KIF6: variants seen among roughly 807,000 people sequenced by gnomAD.
The protein encoded by KIF6 is kinesin family member 6.
Under a neutral mutation model 112.7 loss-of-function variants are expected in KIF6, and 106 were observed. The ratio of observed to expected loss-of-function variants is 0.94; its 90% CI spans 0.80 to 1.11. KIF6 has a LOEUF of 1.11. Ranked by LOEUF, KIF6 falls within the 50% of genes least tolerant of loss-of-function variation. The pLI is 0.00. For missense variants in KIF6, 929 were observed against 964.0 expected (o/e 0.96, Z 0.48); for synonymous variants, 339 against 339.9 (o/e 1.00, Z 0.03).
intron 15 of KIF6, among the ~76,000 whole-genome samples, chr6:39,414,196 C>T (rs982032859): frequency 6.6e-6 from 1 of 152,130 alleles, no homozygotes; most frequent in Non-Finnish European, 1.5e-5. Context: ...CCTCTGCCTG[C>T]CCTTAATCAG....
chr6:39,671,497 C>A (rs1786815540), intron 3 of KIF6, among the ~76,000 whole-genome samples: 1 of 152,170 alleles, frequency 6.6e-6, no homozygotes, highest in Admixed American at 6.5e-5. Context: ...GAAGCTGAGG[C>A]TGGCAGGGGA....
chr6:39,671,963 A>C (rs1328958248), intron 3 of KIF6, among the ~76,000 whole-genome samples: 2 of 152,206 alleles, frequency 1.3e-5, no homozygotes, highest in African/African-American at 4.8e-5. Context: ...CAGTGTGTGA[A>C]TGCACCCTGT....
chr6:39,565,240 T>C (rs972589583), intron 10 of KIF6, among the ~76,000 whole-genome samples: 3 of 152,222 alleles, frequency 2.0e-5, no homozygotes, highest in Admixed American at 2.0e-4. Context: ...GCTCCTGATC[T>C]TTATTGCTCA....
chr6:39,654,270 C>T (rs1425830273), intron 3 of KIF6, among the ~76,000 whole-genome samples: 1 of 152,068 alleles, frequency 6.6e-6, no homozygotes, highest in Non-Finnish European at 1.5e-5. Context: ...AGCAAATTCC[C>T]CAGCTCCTCT....
chr6:39,611,855 G>A (rs1783233418), intron 6 of KIF6, among the ~76,000 whole-genome samples: 1 of 152,094 alleles, frequency 6.6e-6, no homozygotes, highest in African/African-American at 2.4e-5. Flanking sequence ...ACAAATAAGA[G>A]CATCACAAAG....
chr6:39,457,174 C>G (rs1773177876), intron 13 of KIF6, among the ~76,000 whole-genome samples: 1 of 151,982 alleles, frequency 6.6e-6, no homozygotes. Context: ...AACTATCTCT[C>G]AGACCACAGT....
intron 3 of KIF6, among the ~76,000 whole-genome samples, chr6:39,678,193 C>T (rs1480513845): frequency 6.6e-6 from 1 of 151,314 alleles, no homozygotes; most frequent in Non-Finnish European, 1.5e-5. Flanking sequence ...AACACTTTTA[C>T]ACTGTTGGTG....
chr6:39,675,724 A>G (rs1787094820), intron 3 of KIF6, among the ~76,000 whole-genome samples: 1 of 152,148 alleles, frequency 6.6e-6, no homozygotes, highest in South Asian at 2.1e-4. Context: ...TACCCAAAAT[A>G]AGTTATAAAA....
In KIF6 at chr6:39,343,846, C is replaced by A; in HGVS notation, c.2322-31G>T. 1 of 1,299,934 alleles carries A rather than the reference C, an allele frequency of 7.7e-7. No homozygotes were observed. Among genetic ancestry groups the A allele is most frequent in the South Asian group, 1.3e-5 (1 of 76,720 alleles). 80.5% of individuals were successfully genotyped at this position (1,299,934 alleles called of 1,614,324 possible). On this transcript the variant is annotated intron_variant, in intron 21 of 22. Transcript: ENST00000287152. The surrounding 1 kb of genome is among the most constrained non-coding windows in gnomAD (Gnocchi z 4.1). ...GGCAACCACGTGTCACATTTTACTACACTTTACAACTGGACTCACCACTTA... is the reference window on the plus strand; with the variant it reads ...GGCAACCACGTGTCACATTTTACTAAACTTTACAACTGGACTCACCACTTA...
At chr6:39,526,647 C>T (rs924976987) in intron 13 of KIF6, among the ~76,000 whole-genome samples, 12 of 152,198 alleles carry the variant, frequency 7.9e-5, no homozygotes, top group African/African-American at 2.9e-4. Flanking sequence ...TTATTCATTT[C>T]ATCCAAGCCA....
chr6:39,479,472 C>G (rs141826711), intron 13 of KIF6, among the ~76,000 whole-genome samples: 1 of 152,046 alleles, frequency 6.6e-6, no homozygotes, highest in African/African-American at 2.4e-5. Flanking sequence ...ATTTTTATAC[C>G]AGTACCATGC....
At chr6:39,430,497 G>T (rs1380925992) in intron 14 of KIF6, among the ~76,000 whole-genome samples, 2 of 152,178 alleles carry the variant, frequency 1.3e-5, no homozygotes, top group Admixed American at 6.5e-5. Flanking sequence ...CTAGCTAAAA[G>T]AAATTATATA....
intron 5 of KIF6, among the ~76,000 whole-genome samples, chr6:39,623,425 ACTAT>A (rs1350735346): frequency 6.6e-6 from 1 of 152,206 alleles, no homozygotes; most frequent in Non-Finnish European, 1.5e-5. Context: ...CAGATTAATA[ACTAT>A]CTATTTTCAA....
At chr6:39,419,900 C>T (rs776342726) in intron 15 of KIF6, 48 bp downstream of exon 15, 3 of 1,500,860 alleles carry the variant, frequency 2.0e-6, no homozygotes, top group East Asian at 2.3e-5. Flanking sequence ...CTGATTTTCA[C>T]CAGGAAAATG....
At position 39,343,917 on chromosome 6, in the gene KIF6, A is replaced by C. The variant is rs963111274; in HGVS notation, c.2322-102T>G. The C allele has an allele frequency of 7.7e-6, 5 of 648,486 alleles. No homozygotes were observed. Among genetic ancestry groups the C allele is most frequent in the Non-Finnish European group, 1.3e-5 (5 of 379,286 alleles). The allele number at this position is 648,486 out of a possible 1,614,324, so 40.2% of individuals were successfully genotyped here. A position where few individuals can be genotyped will look rare whatever the true frequency, so the allele number is the denominator to read the frequency against. On this transcript the variant is annotated intron_variant, in intron 21 of 22. Transcript: ENST00000287152. This position sits in a 1 kb window ranked among gnomAD's most constrained non-coding sequence, Gnocchi z 4.1. ...ATTTTAGGTGACTGATCTCACTCAG[A>C]AAGCTACATGACACGGCTGGCCTGC...
chr6:39,598,434 G>T (rs967177898), intron 6 of KIF6, among the ~76,000 whole-genome samples: 1 of 152,092 alleles, frequency 6.6e-6, no homozygotes, highest in Non-Finnish European at 1.5e-5. Flanking sequence ...TTTGTGTACT[G>T]CTTGTGGAAA....
At chr6:39,472,297 C>G (rs183405482) in intron 13 of KIF6, among the ~76,000 whole-genome samples, 2 of 152,304 alleles carry the variant, frequency 1.3e-5, no homozygotes, top group East Asian at 3.9e-4. Context: ...GGCTTCTCTT[C>G]TCCTTAAATG....
intron 6 of KIF6, among the ~76,000 whole-genome samples, chr6:39,600,755 C>T (rs1782523713): frequency 6.6e-6 from 1 of 152,168 alleles, no homozygotes; most frequent in Non-Finnish European, 1.5e-5. Context: ...CAGCTCAAAT[C>T]CTCATTGCAT....
At chr6:39,608,681 C>A (rs951555655) in intron 6 of KIF6, among the ~76,000 whole-genome samples, 1 of 152,124 alleles carries the variant, frequency 6.6e-6, no homozygotes, top group African/African-American at 2.4e-5. Flanking sequence ...GGAAAGTAAC[C>A]TCTTTCAAAA....
Sources: allele counts gnomAD v4.1 joint callset (sites outside exome capture counted in the v4.1 genomes callset), GRCh38; gene constraint gnomAD v4.1.1; non-coding constraint Gnocchi (gnomAD v3.1); transcripts MANE v1.5; gene names NCBI Gene and HGNC (gene_info 2026-07-23, HGNC 2026-07-21).